The following XRCC5 variants were observed in gnomAD, a reference collection of about 807,000 sequenced individuals.
XRCC5 encodes the protein X-ray repair cross complementing 5.
A neutral mutation model predicts 95.7 loss-of-function variants in XRCC5; 12 were observed. The observed-to-expected ratio is 0.13, with a 90% CI of 0.08 to 0.20. The LOEUF is 0.20. Among genes scored for constraint, XRCC5 ranks in the 10% least tolerant of loss-of-function variants. The pLI is 1.00. For synonymous variants in XRCC5, 281 were observed against 290.3 expected (o/e 0.97, Z 0.33); for missense variants, 595 against 873.9 (o/e 0.68, Z 4.02).
intron 19 of XRCC5, among the ~76,000 whole-genome samples, chr2:216,200,234 C>T (rs1410094780): frequency 6.6e-6 from 1 of 152,138 alleles, no homozygotes; most frequent in Non-Finnish European, 1.5e-5. Flanking sequence ...GATGCTCATG[C>T]TCCCTTTTTC....
chr2:216,143,104 G>T (rs987317230), intron 13 of XRCC5, among the ~76,000 whole-genome samples: 7 of 152,204 alleles, frequency 4.6e-5, no homozygotes, highest in Admixed American at 3.9e-4. Flanking sequence ...TGTAAAGGTT[G>T]TCTACCCTTG....
chr2:216,178,343 C>T (rs1029175855), intron 16 of XRCC5, among the ~76,000 whole-genome samples: 22 of 152,192 alleles, frequency 1.4e-4, no homozygotes, highest in African/African-American at 4.8e-4. Context: ...TCTTTATTGT[C>T]TCCCTCCCTT....
intron 19 of XRCC5, among the ~76,000 whole-genome samples, chr2:216,203,232 C>T (rs947466191): frequency 3.9e-5 from 6 of 152,162 alleles, no homozygotes; most frequent in Non-Finnish European, 7.4e-5. Context: ...CAGAATGCCT[C>T]TAGGGGCCAG....
In XRCC5 at chr2:216,160,663, C is replaced by CTTAATTAA. The variant is rs34464036; in HGVS notation, c.1764+525_1764+532dup. 2.8e-3 allele frequency among the ~76,000 whole-genome samples: 414 copies of CTTAATTAA among 150,530 alleles called. 1 individual carries two copies. The highest frequency in any genetic ancestry group is 0.016 in the East Asian group (79 of 5,068). ...ATTTTTTGGAACTTGAAAATACTAC[C>CTTAATTAA]TTAATTAATTAATTAATTAATTAAT... On this transcript the variant is annotated intron_variant, in intron 15 of 20. Transcript: ENST00000392132.
At position 216,132,312 on chromosome 2, in the gene XRCC5, T is replaced by TGGAA; in HGVS notation, c.1051-13_1051-12insGGAA. On this transcript the variant is annotated splice_polypyrimidine_tract_variant and intron_variant, in intron 9 of 20. Coordinates refer to ENST00000392132, the MANE Select transcript of XRCC5 (RefSeq NM_021141.4). ...TATTTTGGATCAAAAGCAATTCTTT[T>TGGAA]CCTCTCTTGTAGGTTCAGAGAAGAT... 1 of 1,613,504 alleles carries TGGAA rather than the reference T, an allele frequency of 6.2e-7. No homozygotes were observed. Among genetic ancestry groups the TGGAA allele is most frequent in the Non-Finnish European group, 8.5e-7 (1 of 1,179,510 alleles).
intron 14 of XRCC5, among the ~76,000 whole-genome samples, chr2:216,157,605 T>C (rs1434756852): frequency 6.6e-6 from 1 of 152,252 alleles, no homozygotes; most frequent in Non-Finnish European, 1.5e-5. Context: ...ATATGTATAC[T>C]TCAATTTTTA....
intron 16 of XRCC5, 141 bp from the exon 17 acceptor site, chr2:216,190,084 C>A: frequency 1.8e-6 from 1 of 563,294 alleles, no homozygotes; most frequent in Admixed American, 3.4e-5. Context: ...TCTCATCTCT[C>A]CCCTAAAAGA....
chr2:216,205,118 T>A, intron 20 of XRCC5, 70 bp from the exon 21 acceptor site: 1 of 1,586,514 alleles, frequency 6.3e-7, no homozygotes, highest in Non-Finnish European at 8.7e-7. Context: ...CATTAAACCC[T>A]CTCTCACCAG....
At chr2:216,121,130 C>G (rs1489046762) in intron 5 of XRCC5, among the ~76,000 whole-genome samples, 2 of 152,192 alleles carry the variant, frequency 1.3e-5, no homozygotes, top group Non-Finnish European at 2.9e-5. Flanking sequence ...TCCAGGATAA[C>G]TTCCTTTCTC....
At chr2:216,120,474 T>G (rs1159903842) in intron 5 of XRCC5, among the ~76,000 whole-genome samples, 1 of 152,232 alleles carries the variant, frequency 6.6e-6, no homozygotes, top group Non-Finnish European at 1.5e-5. Flanking sequence ...AAAGTAGAGT[T>G]CATAGTTTTA....
chr2:216,142,195 T>C (rs1165194067), intron 13 of XRCC5, among the ~76,000 whole-genome samples: 1 of 152,200 alleles, frequency 6.6e-6, no homozygotes, highest in Non-Finnish European at 1.5e-5. Context: ...TCTCCTGTAT[T>C]GTATGTAAAT....
intron 16 of XRCC5, among the ~76,000 whole-genome samples, chr2:216,169,936 G>A (rs1236259831): frequency 8.1e-5 from 12 of 148,848 alleles, no homozygotes; most frequent in African/African-American, 2.2e-4. Flanking sequence ...CTACTTGGGA[G>A]GCTGAGGCAG....
In XRCC5 at chr2:216,205,254, A is replaced by C. The variant is rs746075905; in HGVS notation, c.*52A>C. The C allele has an allele frequency of 2.5e-6, 4 of 1,613,138 alleles. No homozygotes were observed. Among genetic ancestry groups the C allele is most frequent in the Non-Finnish European group, 3.4e-6 (4 of 1,179,154 alleles). On this transcript the variant is annotated 3_prime_UTR_variant, in exon 21 of 21. Coordinates refer to ENST00000392132, the MANE Select transcript of XRCC5 (RefSeq NM_021141.4). ...GAGCTGCCATCGCTGTGATGCTGGG[A>C]GTTCTAACAAAACAAGTTGGATGCG...
chr2:216,185,844 C>T (rs752717519), intron 16 of XRCC5, among the ~76,000 whole-genome samples: 4 of 151,984 alleles, frequency 2.6e-5, no homozygotes, highest in Non-Finnish European at 5.9e-5. Flanking sequence ...AGGCTGGTCT[C>T]GAACTCCTGA....
intron 19 of XRCC5, among the ~76,000 whole-genome samples, chr2:216,199,857 T>TATATCTAA (rs1689804051): frequency 1.4e-5 from 2 of 146,154 alleles, no homozygotes; most frequent in South Asian, 4.4e-4. Flanking sequence ...GAGGCTGAGC[T>TATATCTAA]ATATCTAAAT....
At chr2:216,199,961 AC>A (rs1442211057) in intron 19 of XRCC5, among the ~76,000 whole-genome samples, 1 of 151,770 alleles carries the variant, frequency 6.6e-6, no homozygotes, top group African/African-American at 2.4e-5. Context: ...ATTGTTGTTG[AC>A]ATTTATGGAT....
intron 14 of XRCC5, among the ~76,000 whole-genome samples, chr2:216,152,567 C>T (rs933808306): frequency 6.6e-6 from 1 of 151,918 alleles, no homozygotes; most frequent in Non-Finnish European, 1.5e-5. Context: ...CCCTTCTTTT[C>T]CTGTCTCAGT....
intron 12 of XRCC5, among the ~76,000 whole-genome samples, chr2:216,139,735 T>G (rs1210445882): frequency 6.6e-6 from 1 of 152,168 alleles, no homozygotes; most frequent in Non-Finnish European, 1.5e-5. Context: ...CTTAAACTCC[T>G]GGGTTCAAAC....
intron 10 of XRCC5, among the ~76,000 whole-genome samples, chr2:216,134,115 A>G (rs1697034005): frequency 6.6e-6 from 1 of 152,362 alleles, no homozygotes; most frequent in Admixed American, 6.5e-5. Flanking sequence ...CTGTAAGTTT[A>G]CAATAAAAGT....
Sources: gnomAD v4.1 joint callset for allele counts (sites outside exome capture counted in the v4.1 genomes callset) on GRCh38, gnomAD v4.1.1 for gene constraint, MANE v1.5 for transcripts, NCBI Gene and HGNC (gene_info 2026-07-23, HGNC 2026-07-21) for gene names.